The following CNBD1 variants were observed in gnomAD, a reference collection of about 807,000 sequenced individuals.
The protein encoded by CNBD1 is cyclic nucleotide binding domain containing 1, also known as cyclic nucleotide-binding domain-containing protein 1.
CNBD1 carries 71 observed loss-of-function variants against 54.4 expected under a neutral mutation model. The observed-to-expected ratio is 1.30, with a 90% CI of 1.08 to 1.59. The LOEUF (loss-of-function observed/expected upper bound fraction) is 1.59, where lower values mean the gene tolerates loss of function less well. Among genes scored for constraint, CNBD1 ranks in the 40% most tolerant of loss-of-function variants. CNBD1 has a pLI of 0.00. For synonymous variants in CNBD1, 182 were observed against 170.7 expected (o/e 1.07, Z -0.51); for missense variants, 659 against 518.0 (o/e 1.27, Z -2.64).
At chr8:86,989,240 G>A (rs1299575257) in intron 4 of CNBD1, among the ~76,000 whole-genome samples, 2 of 152,030 alleles carry the variant, frequency 1.3e-5, no homozygotes, top group African/African-American at 2.4e-5. Context: ...GCTGCAGTGA[G>A]CTGCGATCAT....
At chr8:87,256,363 A>G (rs1239492638) in intron 6 of CNBD1, among the ~76,000 whole-genome samples, 1 of 151,808 alleles carries the variant, frequency 6.6e-6, no homozygotes, top group African/African-American at 2.4e-5. Context: ...ACTCATATCA[A>G]GGGGAAAAAA....
Position 87,286,669 on chromosome 8 carries a change from A to G in CNBD1, c.1040A>G (p.His347Arg), listed in dbSNP as rs1808707452. 1 of 1,540,290 alleles carries G rather than the reference A, an allele frequency of 6.5e-7. No individual in the cohort carries two copies. The highest frequency in any genetic ancestry group is 8.8e-7 in the Non-Finnish European group (1 of 1,139,198). ...AAATGGAAAAAATTTCCTCCAGGTC[A>G]TGGTAAGTTTAATGCAATTTAGATC... ...LLKWKKFPPGHVIVESGNIIS... is the reference protein window; with the variant it reads ...LLKWKKFPPGRVIVESGNIIS... The change falls in exon 8 of 11, where the codon CAT (histidine) becomes CGT (arginine). Residue 347 changes from histidine (H) to arginine (R), a missense_variant and splice_region_variant. By Grantham distance (29) the His-to-Arg change is conservative. Coordinates refer to ENST00000518476, the MANE Select transcript of CNBD1 (RefSeq NM_173538.3).
At chr8:87,057,760 A>T (rs1201824722) in intron 4 of CNBD1, among the ~76,000 whole-genome samples, 2 of 152,076 alleles carry the variant, frequency 1.3e-5, no homozygotes, top group Non-Finnish European at 2.9e-5. Flanking sequence ...GAGGCAGGAG[A>T]ATCACTTGAA....
intron 10 of CNBD1, among the ~76,000 whole-genome samples, chr8:87,380,142 C>T (rs1466955544): frequency 1.3e-5 from 2 of 151,802 alleles, no homozygotes; most frequent in African/African-American, 2.4e-5. Flanking sequence ...TATATAATTA[C>T]CAGCTAAAAG....
intron 6 of CNBD1, among the ~76,000 whole-genome samples, chr8:87,280,781 CG>C (rs993971865): frequency 1.3e-5 from 2 of 151,030 alleles, no homozygotes; most frequent in Non-Finnish European, 3.0e-5. Flanking sequence ...GGAGATTGTT[CG>C]GGTTATGTAT....
At chr8:87,037,201 C>T (rs1323003914) in intron 4 of CNBD1, among the ~76,000 whole-genome samples, 1 of 152,048 alleles carries the variant, frequency 6.6e-6, no homozygotes, top group Non-Finnish European at 1.5e-5. Flanking sequence ...GAGTTTGATG[C>T]CATTGTAATT....
chr8:87,348,914 C>G (rs1325723088), intron 8 of CNBD1, among the ~76,000 whole-genome samples: 1 of 152,150 alleles, frequency 6.6e-6, no homozygotes, highest in Non-Finnish European at 1.5e-5. Context: ...GTGAATCCTT[C>G]TGATATTCTT....
intron 2 of CNBD1, among the ~76,000 whole-genome samples, chr8:87,415,546 C>A (rs2130988645): frequency 6.6e-6 from 1 of 152,098 alleles, no homozygotes; most frequent in Middle Eastern, 3.4e-3. Context: ...GTATTGTTTA[C>A]TCTTCTCAGT....
intron 4 of CNBD1, among the ~76,000 whole-genome samples, chr8:86,942,241 C>T (rs1041467821): frequency 2.0e-5 from 3 of 152,092 alleles, no homozygotes; most frequent in Admixed American, 6.5e-5. Context: ...ATAGCACATG[C>T]CTTTTCTCTC....
chr8:87,424,803 A>T (rs1472701092), intron 2 of CNBD1, among the ~76,000 whole-genome samples: 1 of 151,976 alleles, frequency 6.6e-6, no homozygotes, highest in Non-Finnish European at 1.5e-5. Flanking sequence ...TGTGTCTTGG[A>T]GTTGCTCTTC....
intron 10 of CNBD1, among the ~76,000 whole-genome samples, chr8:87,359,347 C>T (rs1158656174): frequency 6.6e-6 from 1 of 152,010 alleles, no homozygotes; most frequent in African/African-American, 2.4e-5. Flanking sequence ...TCTAAAGCTG[C>T]TGACATGATG....
intron 6 of CNBD1, among the ~76,000 whole-genome samples, chr8:87,245,207 A>T (rs1379273764): frequency 1.3e-5 from 2 of 152,070 alleles, no homozygotes. Flanking sequence ...GTAACTAAAA[A>T]CAAACATTGG....
intron 4 of CNBD1, among the ~76,000 whole-genome samples, chr8:87,099,468 G>C (rs139951855): frequency 6.6e-6 from 1 of 152,128 alleles, no homozygotes; most frequent in African/African-American, 2.4e-5. Context: ...GGTAGATGTC[G>C]AAAATCAATT....
At chr8:87,342,720 G>A (rs1810092069) in intron 8 of CNBD1, among the ~76,000 whole-genome samples, 2 of 152,054 alleles carry the variant, frequency 1.3e-5, no homozygotes, top group Admixed American at 6.6e-5. Context: ...TTTTTATTAG[G>A]GATTTCAGAA....
At chr8:87,043,133 CA>C (rs1459802164) in intron 4 of CNBD1, among the ~76,000 whole-genome samples, 36 of 152,296 alleles carry the variant, frequency 2.4e-4, no homozygotes, top group Non-Finnish European at 4.4e-5. Context: ...GGAAATGTTA[CA>C]GGGTCATGCT....
chr8:87,015,618 A>C (rs956840063), intron 4 of CNBD1, among the ~76,000 whole-genome samples: 12 of 152,176 alleles, frequency 7.9e-5, no homozygotes, highest in Middle Eastern at 3.4e-3. Context: ...TTTCTCCTTC[A>C]CCTTTTGTTG....
chr8:86,920,326 T>C (rs1433323494), intron 3 of CNBD1, among the ~76,000 whole-genome samples: 1 of 152,168 alleles, frequency 6.6e-6, no homozygotes, highest in Non-Finnish European at 1.5e-5. Flanking sequence ...CTAAATCAGA[T>C]AAGAAAAAGA....
At chr8:87,192,529 T>C (rs1183613006) in intron 4 of CNBD1, among the ~76,000 whole-genome samples, 1 of 152,206 alleles carries the variant, frequency 6.6e-6, no homozygotes, top group Non-Finnish European at 1.5e-5. Context: ...TCTGTGACCT[T>C]GGGCAAGTTA....
intron 10 of CNBD1, among the ~76,000 whole-genome samples, chr8:87,359,730 A>C (rs60009671): frequency 2.0e-5 from 3 of 152,124 alleles, no homozygotes; most frequent in Admixed American, 1.3e-4. Context: ...AAATATATCA[A>C]GTTGAAGACA....
Sources: allele counts gnomAD v4.1 joint callset (sites outside exome capture counted in the v4.1 genomes callset), GRCh38; gene constraint gnomAD v4.1.1; transcripts MANE v1.5; gene names NCBI Gene and HGNC (gene_info 2026-07-23, HGNC 2026-07-21).